The following PLCH2 variants were observed in gnomAD, a reference collection of about 807,000 sequenced individuals.
The protein encoded by PLCH2 is phospholipase C eta 2, also known as 1-phosphatidylinositol 4,5-bisphosphate phosphodiesterase eta-2.
PLCH2 carries 98 observed loss-of-function variants against 134.7 expected under a neutral mutation model. The observed-to-expected ratio is 0.73, with a 90% CI of 0.62 to 0.86. The LOEUF is 0.86. Ranked by LOEUF, PLCH2 falls within the 40% of genes least tolerant of loss-of-function variation. The pLI, the probability that PLCH2 is intolerant of heterozygous loss-of-function variation, is 0.00. For missense variants in PLCH2, 1,994 were observed against 1,986.6 expected (o/e 1.00, Z -0.07); for synonymous variants, 974 against 827.5 (o/e 1.18, Z -3.04).
chr1:2,497,928 G>A (rs1642986667), intron 16 of PLCH2: 2 of 343,180 alleles, frequency 5.8e-6, no homozygotes, highest in East Asian at 4.7e-5. Context: ...CCAGCCCCCT[G>A]TGCCTGGCCC....
At chr1:2,465,343 C>T (rs1641006647), upstream of PLCH2, among the ~76,000 whole-genome samples, 1 of 152,208 alleles carries the variant, frequency 6.6e-6, no homozygotes, top group Non-Finnish European at 1.5e-5. Context: ...AGCTCTGGGC[C>T]TACAGGGTGG....
intron 2 of PLCH2, among the ~76,000 whole-genome samples, chr1:2,432,967 G>A (rs1208955485): frequency 6.6e-6 from 1 of 152,216 alleles, no homozygotes; most frequent in East Asian, 1.9e-4. Context: ...CACCCTGCCT[G>A]CCTGTTACCC....
intron 11 of PLCH2, among the ~76,000 whole-genome samples, chr1:2,491,852 G>A (rs1477335172): frequency 1.3e-5 from 2 of 152,036 alleles, no homozygotes; most frequent in East Asian, 1.9e-4. Context: ...TCCACAGGGT[G>A]ACAGTGCTGG....
chr1:2,430,983 G>A (rs778609643), intron 2 of PLCH2, among the ~76,000 whole-genome samples: 124 of 152,328 alleles, frequency 8.1e-4, no homozygotes, highest in African/African-American at 2.6e-3. Context: ...CTTCTTGGTC[G>A]TGTTGTCACT....
At chr1:2,431,981 C>G (rs1639093228) in intron 2 of PLCH2, among the ~76,000 whole-genome samples, 1 of 152,168 alleles carries the variant, frequency 6.6e-6, no homozygotes, top group African/African-American at 2.4e-5. Context: ...GCAAGGTGCC[C>G]CGGGTGGTGT....
At chr1:2,503,469 G>A (rs975118213) in intron 21 of PLCH2, 8 of 608,874 alleles carry the variant, frequency 1.3e-5, no homozygotes, top group African/African-American at 1.1e-4. Flanking sequence ...CCAGGGCTTC[G>A]CTGCTTTGGG....
At chr1:2,474,492 C>T (rs936275416), upstream of PLCH2, among the ~76,000 whole-genome samples, 4 of 151,878 alleles carry the variant, frequency 2.6e-5, no homozygotes, top group Admixed American at 6.5e-5. Flanking sequence ...CTGGGACCCA[C>T]GTTGTGGGGC....
At chr1:2,494,027 C>T (rs1487560189) in intron 11 of PLCH2, among the ~76,000 whole-genome samples, 1 of 152,118 alleles carries the variant, frequency 6.6e-6, no homozygotes, top group Non-Finnish European at 1.5e-5. Flanking sequence ...TGGCGGAAGC[C>T]CCCTCCTAAC....
At chr1:2,489,154 C>G in intron 8 of PLCH2, 53 bp from the exon 9 acceptor site, 1 of 1,540,162 alleles carries the variant, frequency 6.5e-7, no homozygotes, top group Non-Finnish European at 8.9e-7. Flanking sequence ...GTGGGGCTTA[C>G]CCATCCTCTG....
chr1:2,468,148 C>G (rs1641156526), intron 1 of PLCH2, among the ~76,000 whole-genome samples: 2 of 152,198 alleles, frequency 1.3e-5, no homozygotes, highest in African/African-American at 4.8e-5. Context: ...GGCCCAACCC[C>G]ACCCCAGCCC....
intron 13 of PLCH2, 63 bp from the exon 14 acceptor site, chr1:2,496,544 A>G (rs1468710192): frequency 7.3e-7 from 1 of 1,372,270 alleles, no homozygotes; most frequent in Non-Finnish European, 1.0e-6. Flanking sequence ...AGCCCGTCTC[A>G]CGGAGCTGGG....
chr1:2,454,265 GC>G (rs1640379304), intron 2 of PLCH2, among the ~76,000 whole-genome samples: 1 of 152,152 alleles, frequency 6.6e-6, no homozygotes, highest in African/African-American at 2.4e-5. Context: ...TTCCCCGATG[GC>G]CAGTGCCCCG....
chr1:2,454,965 G>A (rs1007984861), intron 2 of PLCH2, among the ~76,000 whole-genome samples: 3 of 152,116 alleles, frequency 2.0e-5, no homozygotes, highest in African/African-American at 7.2e-5. Context: ...GACCCTCCCT[G>A]CCTGGGGGCA....
At chr1:2,459,208 C>T (rs879533105) in intron 2 of PLCH2, among the ~76,000 whole-genome samples, 1 of 152,274 alleles carries the variant, frequency 6.6e-6, no homozygotes, top group Non-Finnish European at 1.5e-5. Flanking sequence ...TGACAAATGC[C>T]ACGCTGGTGA....
chr1:2,502,253 A>G lies in PLCH2; in HGVS notation c.2803A>G (p.Lys935Glu), dbSNP rs750932769. The change falls in exon 21 of 22, where the codon AAG becomes GAG. Residue 935 changes from lysine (K) to glutamate (E), a missense_variant. Coordinates refer to ENST00000378486, the MANE Select transcript of PLCH2 (RefSeq NM_014638.4). ...GCGGCGCACGGCCAGCGCCCCGACC[A>G]AGAGCCAGAAGCCGGGCCGCAGGGG... ...ILRRTASAPT[K>E]SQKPGRRGFP... 3 of 1,541,524 alleles carry G rather than the reference A, an allele frequency of 1.9e-6. No homozygotes were observed. In the South Asian group the frequency reaches 3.6e-5, roughly 18 times the overall value.
chr1:2,472,580 G>C (rs1278739852), upstream of PLCH2, among the ~76,000 whole-genome samples: 1 of 152,222 alleles, frequency 6.6e-6, no homozygotes, highest in Non-Finnish European at 1.5e-5. Flanking sequence ...CCTGGAGGGT[G>C]GGTAGGCTGG....
chr1:2,429,879 C>G (rs1451870140), intron 1 of PLCH2, among the ~76,000 whole-genome samples: 1 of 152,152 alleles, frequency 6.6e-6, no homozygotes, highest in Non-Finnish European at 1.5e-5. Context: ...GCTGGGGGGG[C>G]CGGCCTCAGA....
At chr1:2,457,064 C>T (rs1170846447) in intron 2 of PLCH2, among the ~76,000 whole-genome samples, 8 of 152,246 alleles carry the variant, frequency 5.3e-5, no homozygotes, top group East Asian at 1.9e-4. Flanking sequence ...CTCCAGTCCT[C>T]AGGCGCCTGG....
intron 4 of PLCH2, among the ~76,000 whole-genome samples, chr1:2,482,266 C>T (rs1000288458): frequency 4.6e-5 from 7 of 152,200 alleles, no homozygotes; most frequent in East Asian, 1.9e-4. Context: ...TGGAGGGGGC[C>T]GCATCTCTGC....
Sources: gnomAD v4.1 joint callset for allele counts (sites outside exome capture counted in the v4.1 genomes callset) on GRCh38, gnomAD v4.1.1 for gene constraint, MANE v1.5 for transcripts, NCBI Gene and HGNC (gene_info 2026-07-23, HGNC 2026-07-21) for gene names.